Variants in ADAMTSL4 observed in about 807,000 individuals in gnomAD.
ADAMTSL4 encodes ADAMTS like 4, also known as ADAMTS-like protein 4.
ADAMTSL4 carries 97 observed loss-of-function variants against 122.8 expected under a neutral mutation model. The ratio of observed to expected loss-of-function variants is 0.79; its 90% CI spans 0.67 to 0.93. The LOEUF is 0.93. Ranked by LOEUF, ADAMTSL4 falls within the 40% of genes least tolerant of loss-of-function variation. ADAMTSL4 has a pLI of 0.00. For synonymous variants in ADAMTSL4, 592 were observed against 568.0 expected (o/e 1.04, Z -0.60); for missense variants, 1,408 against 1,453.5 (o/e 0.97, Z 0.51).
At position 150,552,898 on chromosome 1, in the gene ADAMTSL4, G is replaced by T. The variant is rs1265446300; in HGVS notation, c.79G>T (p.Val27Leu). Reference protein sequence around the residue: ...SLPQLCLDQEVLSGHSLQTPT... With the variant: ...SLPQLCLDQELLSGHSLQTPT... ...CTGTCTGACCTTTTTCTCTATATAG[G>T]TGTTGTCCGGACACTCTCTTCAGAC... The change falls in exon 5 of 19, where the codon GTG becomes TTG. Residue 27 changes from valine (V) to leucine (L), a missense_variant and splice_region_variant. Coordinates refer to ENST00000271643, the MANE Select transcript of ADAMTSL4 (RefSeq NM_019032.6). The surrounding 1 kb of genome is among the most constrained non-coding windows in gnomAD (Gnocchi z 4.0). The T allele has an allele frequency of 6.2e-7, 1 of 1,612,106 alleles. No homozygotes were observed. Among genetic ancestry groups the T allele is most frequent in the African/African-American group, 1.3e-5 (1 of 74,962 alleles).
Position 150,553,494 on chromosome 1 carries a change from T to G in ADAMTSL4, c.503T>G (p.Leu168Arg), listed in dbSNP as rs776368185. The change falls in exon 6 of 19, where the codon CTG (leucine) becomes CGG (arginine). Residue 168 changes from leucine to arginine, a missense_variant. Leu to Arg is a moderately radical substitution (Grantham distance 102, BLOSUM62 -2). Transcript: ENST00000271643. ...GGGAGAGTGCCCTTTGCATTGCCAC[T>G]GCACCGGAACCGCAGGCACCCTCGG... is the stretch of plus-strand genomic sequence containing the variant. ...GYGRVPFALP[L>R]HRNRRHPRSP... 6.2e-7 allele frequency: 1 copy of G among 1,613,848 alleles called. No individual in the cohort carries two copies. Among genetic ancestry groups the G allele is most frequent in the South Asian group, 1.1e-5 (1 of 91,074 alleles).
In ADAMTSL4 at chr1:150,553,961, C is replaced by T. The variant is rs776367276; in HGVS notation, c.970C>T (p.His324Tyr). The stretch of plus-strand genomic sequence containing the variant: ...GCCTTGGGGAACGGGGGGGACTCCT[C>T]ACGGGCCCCGCCTGGAGCCTGACCC... ...QGPWGTGGTP[H>Y]GPRLEPDPQH... Residue 324 changes from histidine (H) to tyrosine (Y), a missense_variant, in exon 6 of 19, where the codon CAC becomes TAC. His to Tyr is a moderately conservative substitution (Grantham distance 83, BLOSUM62 2). Transcript: ENST00000271643. 13 of 1,610,288 alleles carry T rather than the reference C, an allele frequency of 8.1e-6. No individual in the cohort carries two copies. Among genetic ancestry groups the T allele is most frequent in the Non-Finnish European group, 1.0e-5 (12 of 1,178,746 alleles).
In ADAMTSL4 at chr1:150,556,669, T is replaced by C; in HGVS notation, c.1625T>C (p.Val542Ala). Residue 542 changes from valine to alanine, a missense_variant, in exon 10 of 19, where the codon GTG becomes GCG. Coordinates refer to ENST00000271643, the MANE Select transcript of ADAMTSL4 (RefSeq NM_019032.6). This position sits in a 1 kb window ranked among gnomAD's most constrained non-coding sequence, Gnocchi z 4.1. ...TCCATCATCAATGGGAACTGGGCTG[T>C]GGATCCCCCTGGGTCCTACAGGGCC... The part of the protein sequence containing the change: ...GRSIINGNWA[V>A]DPPGSYRAGG... 1.9e-6 allele frequency: 3 copies of C among 1,613,966 alleles called. No homozygotes were observed. The highest frequency in any genetic ancestry group is 2.5e-6 in the Non-Finnish European group (3 of 1,179,968).
rs1157137358 is a variant in ADAMTSL4, at chr1:150,552,031, C to T, written c.-84-174C>T. On this transcript the variant is annotated intron_variant, in intron 2 of 18. Transcript: ENST00000271643. This position sits in a 1 kb window ranked among gnomAD's most constrained non-coding sequence, Gnocchi z 4.0. The stretch of plus-strand genomic sequence containing the variant: ...CTTAGTTGGAGGGCTGAGGTCAGCC[C>T]CTGACCATGTAGCCTCTACAGATGG... 1 of 552,558 alleles carries T rather than the reference C, an allele frequency of 1.8e-6. No homozygotes were observed. Among genetic ancestry groups the T allele is most frequent in the African/African-American group, 1.9e-5 (1 of 53,002 alleles). 34.2% of individuals were successfully genotyped at this position (552,558 alleles called of 1,614,324 possible). A position where few individuals can be genotyped will look rare whatever the true frequency, so the allele number is the denominator to read the frequency against.
In ADAMTSL4 at chr1:150,557,149, G is replaced by A; in HGVS notation, c.1862-1G>A. On this transcript the variant is annotated splice_acceptor_variant, in intron 11 of 18. Coordinates refer to ENST00000271643, the MANE Select transcript of ADAMTSL4 (RefSeq NM_019032.6). LOFTEE classifies it high-confidence loss of function. ...TCTGATTCGCCTGCTCCCCTGCACA[G>A]AGATTCTGAGGGTGGAGCCCCCACT... 1 of 1,612,388 alleles carries A rather than the reference G, an allele frequency of 6.2e-7. No homozygotes were observed. Among genetic ancestry groups the A allele is most frequent in the Non-Finnish European group, 8.5e-7 (1 of 1,179,860 alleles).
intron 15 of ADAMTSL4, 90 bp from the exon 16 acceptor site, chr1:150,558,872 G>A: frequency 1.9e-6 from 3 of 1,539,368 alleles, no homozygotes; most frequent in Non-Finnish European, 2.6e-6. Context: ...CCAGGATTCG[G>A]ACCCAGGATG....
rs200636347 is a variant in ADAMTSL4, at chr1:150,556,383, C to T, written c.1576+17C>T. ...ACTACCTGGGTGAGCACCCAGCTGC[C>T]TCCCCTTCCACTTCCGTCTCTGTTC... On this transcript the variant is annotated intron_variant, in intron 9 of 18. Transcript: ENST00000271643. The surrounding 1 kb of genome is among the most constrained non-coding windows in gnomAD (Gnocchi z 4.1). 1 of 1,613,682 alleles carries T rather than the reference C, an allele frequency of 6.2e-7. No individual in the cohort carries two copies. The highest frequency in any genetic ancestry group is 1.3e-5 in the African/African-American group (1 of 75,046).
At position 150,554,951 on chromosome 1, in the gene ADAMTSL4, C is replaced by T. The variant is rs1200131965; in HGVS notation, c.1235-478C>T. Among the ~76,000 whole-genome samples the T allele has an allele frequency of 1.3e-5, 2 of 151,376 alleles. No homozygotes were observed. The highest frequency in any genetic ancestry group is 4.2e-4 in the South Asian group (2 of 4,756). ...GATTGCTCCTCTCTCAGTTCAGAGT[C>T]CCCTTGATGGTCTCGGTGACCTCAA... is the stretch of plus-strand genomic sequence containing the variant. On this transcript the variant is annotated intron_variant, in intron 7 of 18. Coordinates refer to ENST00000271643, the MANE Select transcript of ADAMTSL4 (RefSeq NM_019032.6). This position sits in a 1 kb window ranked among gnomAD's most constrained non-coding sequence, Gnocchi z 4.0.
At position 150,553,213 on chromosome 1, in the gene ADAMTSL4, C is replaced by T; in HGVS notation, c.394C>T (p.Leu132=). The change falls in exon 5 of 19, where the codon CTA becomes TTA. Residue 132 remains leucine (L), a synonymous_variant. Transcript: ENST00000271643. ...CCCACTTCGAGGTCCCGCTTCCCAC[C>T]TAGGGAGAGAGGAGACCCAGGAGAT... ...GGPLRGPASH[L]GREETQEIRA... The T allele has an allele frequency of 1.2e-6, 2 of 1,607,578 alleles. No homozygotes were observed. The highest frequency in any genetic ancestry group is 1.7e-6 in the Non-Finnish European group (2 of 1,176,888).
chr1:150,555,850 GACAC>G (rs587768725), intron 8 of ADAMTSL4: 6 of 605,700 alleles, frequency 9.9e-6, no homozygotes, highest in Non-Finnish European at 1.5e-5. Flanking sequence ...CACACATGTA[GACAC>G]ACATGCATGA....
chr1:150,555,895 G>A, intron 8 of ADAMTSL4: 1 of 605,292 alleles, frequency 1.7e-6, no homozygotes, highest in Non-Finnish European at 3.0e-6. Flanking sequence ...ACACGTATTT[G>A]CACAGTCTCA....
At chr1:150,550,874 C>T (rs1381962999) in intron 2 of ADAMTSL4, 1 of 456,500 alleles carries the variant, frequency 2.2e-6, no homozygotes, top group Non-Finnish European at 4.4e-6. Flanking sequence ...AGTGTCTGCC[C>T]CCAGGCACAT....
rs377384434 is a variant in ADAMTSL4, at chr1:150,558,142, G to A, written c.2375G>A (p.Trp792Ter). 1.9e-6 allele frequency: 3 copies of A among 1,613,324 alleles called. No homozygotes were observed. Among genetic ancestry groups the A allele is most frequent in the African/African-American group, 2.7e-5 (2 of 74,954 alleles). Reference sequence around the variant, plus strand: ...GGCCATTGGGAAGTTGGCTCTCCTTGGAGCCAGGTGAGTTTGCCCAGGCAA... The same window carrying A: ...GGCCATTGGGAAGTTGGCTCTCCTTAGAGCCAGGTGAGTTTGCCCAGGCAA... ...LCGHWEVGSPWSQCSVRCGRG... is the reference protein window; with the variant it reads ...LCGHWEVGSP The change falls in exon 14 of 19, where the codon TGG becomes TAG. Residue 792 changes from tryptophan (W) to a stop codon, truncating the protein, a stop_gained. Coordinates refer to ENST00000271643, the MANE Select transcript of ADAMTSL4 (RefSeq NM_019032.6). LOFTEE classifies it high-confidence loss of function.
chr1:150,551,178 G>A, intron 2 of ADAMTSL4: 1 of 361,908 alleles, frequency 2.8e-6, no homozygotes, highest in Non-Finnish European at 5.5e-6. Flanking sequence ...TGAGAGGCCT[G>A]TGGCTGGGGC....
intron 2 of ADAMTSL4, chr1:150,550,291 T>C: frequency 2.2e-6 from 1 of 447,644 alleles, no homozygotes; most frequent in South Asian, 1.6e-5. Context: ...GAAGCATAAA[T>C]GTGCGTGTGT....
At chr1:150,550,912 C>T (rs1445251156) in intron 2 of ADAMTSL4, 2 of 456,308 alleles carry the variant, frequency 4.4e-6, no homozygotes, top group African/African-American at 4.0e-5. Flanking sequence ...TCATTTTCTG[C>T]CCCAGAGCTG....
Position 150,557,262 on chromosome 1 carries a change from GAC to G in ADAMTSL4, c.1977_1978del (p.Leu661GlyfsTer34). The G allele has an allele frequency of 6.2e-7, 1 of 1,611,908 alleles. No homozygotes were observed. The highest frequency in any genetic ancestry group is 8.5e-7 in the Non-Finnish European group (1 of 1,179,540). ...PQMPAPPHPR[T>X]PLGSPAAYWK... is the part of the protein sequence containing the mutation. Reference sequence around the variant, plus strand: ...AGATGCCCGCCCCGCCCCATCCCAGGACACCCCTGGGGTCTCCAGCTGCGTAC... The same window carrying G: ...AGATGCCCGCCCCGCCCCATCCCAGGACCCCTGGGGTCTCCAGCTGCGTAC... On this transcript the variant is annotated frameshift_variant, in exon 12 of 19. Transcript: ENST00000271643. LOFTEE classifies it high-confidence loss of function.
chr1:150,557,149 G>C lies in ADAMTSL4; in HGVS notation c.1862-1G>C, dbSNP rs1209143320. The C allele has an allele frequency of 6.2e-7, 1 of 1,612,270 alleles. No homozygotes were observed. Among genetic ancestry groups the C allele is most frequent in the Non-Finnish European group, 8.5e-7 (1 of 1,179,868 alleles). On this transcript the variant is annotated splice_acceptor_variant, in intron 11 of 18. Transcript: ENST00000271643. LOFTEE classifies it high-confidence loss of function. ...TCTGATTCGCCTGCTCCCCTGCACA[G>C]AGATTCTGAGGGTGGAGCCCCCACT...
Position 150,552,480 on chromosome 1 carries a change from G to T in ADAMTSL4, c.21-63G>T. 1 of 1,606,214 alleles carries T rather than the reference G, an allele frequency of 6.2e-7. No individual in the cohort carries two copies. The highest frequency in any genetic ancestry group is 1.1e-5 in the South Asian group (1 of 90,860). On this transcript the variant is annotated intron_variant, in intron 3 of 18. Transcript: ENST00000271643. This position sits in a 1 kb window ranked among gnomAD's most constrained non-coding sequence, Gnocchi z 4.0. Reference sequence around the variant, plus strand: ...TATGGGAGCCGGCTGGGGGCGGAGGGCAGTGTTGCAACACCCCCTCTGGCT... The same window carrying T: ...TATGGGAGCCGGCTGGGGGCGGAGGTCAGTGTTGCAACACCCCCTCTGGCT...
Sources: allele counts gnomAD v4.1 joint callset (sites outside exome capture counted in the v4.1 genomes callset), GRCh38; gene constraint gnomAD v4.1.1; non-coding constraint Gnocchi (gnomAD v3.1); transcripts MANE v1.5; gene names NCBI Gene and HGNC (gene_info 2026-07-23, HGNC 2026-07-21).